The following RAPGEF6 variants were observed in gnomAD, a reference collection of about 807,000 sequenced individuals.
The protein encoded by RAPGEF6 is Rap guanine nucleotide exchange factor 6.
A neutral mutation model predicts 171.4 loss-of-function variants in RAPGEF6; 56 were observed. The ratio of observed to expected loss-of-function variants is 0.33; its 90% confidence interval spans 0.26 to 0.41. RAPGEF6 has a LOEUF of 0.41. Among genes scored for constraint, RAPGEF6 ranks in the 10% least tolerant of loss-of-function variants. The pLI is 1.00. For missense variants in RAPGEF6, 1,674 were observed against 1,921.4 expected (o/e 0.87, Z 2.41); for synonymous variants, 692 against 650.1 (o/e 1.06, Z -0.98).
intron 5 of RAPGEF6, among the ~76,000 whole-genome samples, chr5:131,559,640 T>C (rs550040469): frequency 7.4e-5 from 11 of 148,944 alleles, no homozygotes; most frequent in African/African-American, 2.2e-4. Context: ...CTGTGAAACA[T>C]AGCAAGGCTG....
chr5:131,577,701 G>T (rs781666868), intron 4 of RAPGEF6, among the ~76,000 whole-genome samples: 1 of 152,126 alleles, frequency 6.6e-6, no homozygotes, highest in Non-Finnish European at 1.5e-5. Flanking sequence ...CCGCCTGCAG[G>T]ACCCTCCCCA....
intron 16 of RAPGEF6, 98 bp downstream of exon 16, chr5:131,479,415 A>G (rs1389452839): frequency 1.1e-5 from 14 of 1,312,036 alleles, no homozygotes; most frequent in African/African-American, 5.9e-5. Flanking sequence ...CATTAGTTAT[A>G]TAACAAAGCA....
chr5:131,484,222 C>CTTTTT (rs751000560), intron 15 of RAPGEF6, among the ~76,000 whole-genome samples: 22 of 74,114 alleles, frequency 3.0e-4, no homozygotes, highest in African/African-American at 5.5e-4. Context: ...ACTGCAGAGG[C>CTTTTT]TTTTTTTTTT....
intron 4 of RAPGEF6, among the ~76,000 whole-genome samples, chr5:131,583,824 G>T (rs1561582249): frequency 6.6e-6 from 1 of 152,146 alleles, no homozygotes; most frequent in Non-Finnish European, 1.5e-5. Context: ...TGGTTTTCCT[G>T]TTAACATCCA....
chr5:131,500,885 A>AAATGAAGAAATGAACTG (rs1756976080), intron 11 of RAPGEF6, among the ~76,000 whole-genome samples: 1 of 104,704 alleles, frequency 9.6e-6, no homozygotes, highest in Non-Finnish European at 2.0e-5. Context: ...GTTGTTGAAT[A>AAATGAAGAAATGAACTG]AATGAAGAAA....
At chr5:131,593,087 C>T (rs1355772173) in intron 3 of RAPGEF6, among the ~76,000 whole-genome samples, 1 of 152,140 alleles carries the variant, frequency 6.6e-6, no homozygotes, top group Non-Finnish European at 1.5e-5. Context: ...CACAGAGTCA[C>T]TAGTAAACAG....
chr5:131,538,041 G>T (rs13163952), intron 6 of RAPGEF6, among the ~76,000 whole-genome samples: 1,690 of 152,240 alleles, frequency 0.011, 18 homozygotes, highest in Non-Finnish European at 0.017. Flanking sequence ...GCAATGAGCT[G>T]TGATCATTCC....
At chr5:131,481,839 A>G (rs181836846) in intron 15 of RAPGEF6, among the ~76,000 whole-genome samples, 1 of 152,348 alleles carries the variant, frequency 6.6e-6, no homozygotes, top group Admixed American at 6.5e-5. Flanking sequence ...TCAGCTTATC[A>G]TTACATACAG....
At chr5:131,560,714 T>A (rs1168771877) in intron 5 of RAPGEF6, among the ~76,000 whole-genome samples, 1 of 152,228 alleles carries the variant, frequency 6.6e-6, no homozygotes, top group East Asian at 1.9e-4. Flanking sequence ...ATACTTACTA[T>A]GCAGGCAGTA....
intron 6 of RAPGEF6, among the ~76,000 whole-genome samples, chr5:131,536,730 G>A (rs145909767): frequency 5.6e-4 from 85 of 152,152 alleles, no homozygotes; most frequent in African/African-American, 2.0e-3. Flanking sequence ...TCTGCTTTCC[G>A]TCTACACTGC....
intron 6 of RAPGEF6, among the ~76,000 whole-genome samples, chr5:131,546,603 C>CA (rs964214218): frequency 0.012 from 1,554 of 130,016 alleles, 22 homozygotes; most frequent in African/African-American, 0.036. Flanking sequence ...CACTCCATCT[C>CA]AAAAAAAAAA....
chr5:131,474,953 T>C (rs1389751828), intron 16 of RAPGEF6, among the ~76,000 whole-genome samples: 1 of 152,194 alleles, frequency 6.6e-6, no homozygotes, highest in Non-Finnish European at 1.5e-5. Context: ...CAATTTTCTA[T>C]TAAAGGGAAT....
intron 5 of RAPGEF6, among the ~76,000 whole-genome samples, chr5:131,556,865 A>G (rs1021392578): frequency 1.3e-5 from 2 of 152,182 alleles, no homozygotes; most frequent in Non-Finnish European, 2.9e-5. Context: ...ACCTAAGAAC[A>G]TGGTATCTCT....
Position 131,549,538 on chromosome 5 carries a change from T to C in RAPGEF6, c.352-1348A>G, listed in dbSNP as rs376597750. 3.3e-5 allele frequency among the ~76,000 whole-genome samples: 5 copies of C among 152,276 alleles called. No homozygotes were observed. In the East Asian group the frequency reaches 7.7e-4, roughly 23 times the overall value. On this transcript the variant is annotated intron_variant, in intron 5 of 27. Transcript: ENST00000509018. ...AGATTAATAATAAAATATAATAATATACTGCAATAAAAGTTATGTGGGGGT... is the reference window on the plus strand; with the variant it reads ...AGATTAATAATAAAATATAATAATACACTGCAATAAAAGTTATGTGGGGGT...
At chr5:131,624,016 A>G (rs1051148011) in intron 1 of RAPGEF6, among the ~76,000 whole-genome samples, 3 of 152,254 alleles carry the variant, frequency 2.0e-5, no homozygotes, top group African/African-American at 7.2e-5. Flanking sequence ...GGAAGGATGC[A>G]CAATTCTGCA....
intron 1 of RAPGEF6, among the ~76,000 whole-genome samples, chr5:131,625,054 C>G (rs1326212375): frequency 1.3e-5 from 2 of 151,662 alleles, no homozygotes; most frequent in Non-Finnish European, 2.9e-5. Flanking sequence ...ATGAGGTCAG[C>G]AGTTCGAGAC....
rs73264120 is a variant in RAPGEF6, at chr5:131,587,593, T to C, written c.281+4790A>G. On this transcript the variant is annotated intron_variant, in intron 4 of 27. Coordinates refer to ENST00000509018, the MANE Select transcript of RAPGEF6 (RefSeq NM_016340.6). Reference sequence around the variant, plus strand: ...TAAAAGAGCTAAAACTAGAGAGTTGTTGGAACTCAGAAAACAATACTCCAA... The same window carrying C: ...TAAAAGAGCTAAAACTAGAGAGTTGCTGGAACTCAGAAAACAATACTCCAA... Among the ~76,000 whole-genome samples the C allele has an allele frequency of 6.3e-3, 965 of 152,304 alleles. 8 individuals are homozygous for C. The highest frequency in any genetic ancestry group is 0.02 in the African/African-American group (846 of 41,558).
chr5:131,631,796 G>A (rs1217977641), intron 1 of RAPGEF6, among the ~76,000 whole-genome samples: 1 of 152,118 alleles, frequency 6.6e-6, no homozygotes, highest in Non-Finnish European at 1.5e-5. Flanking sequence ...AAAAAGGTAG[G>A]CCAGGCGTGG....
intron 24 of RAPGEF6, chr5:131,436,222 G>A: frequency 5.9e-6 from 9 of 1,537,538 alleles, no homozygotes; most frequent in Non-Finnish European, 7.8e-6. Context: ...CTCACAACTT[G>A]TCCTGTCTCT....
Sources: gnomAD v4.1 joint callset for allele counts (sites outside exome capture counted in the v4.1 genomes callset) on GRCh38, gnomAD v4.1.1 for gene constraint, MANE v1.5 for transcripts, NCBI Gene and HGNC (gene_info 2026-07-23, HGNC 2026-07-21) for gene names.